The following MAP4K3 variants were observed in gnomAD, a reference collection of about 807,000 sequenced individuals.
The protein encoded by MAP4K3 is mitogen-activated protein kinase kinase kinase kinase 3, also known as MAPK/ERK kinase kinase kinase 3.
Under a neutral mutation model 143.5 loss-of-function variants are expected in MAP4K3, and 94 were observed. The observed-to-expected ratio is 0.65, with a 90% CI of 0.55 to 0.78. The LOEUF (loss-of-function observed/expected upper bound fraction) is 0.78, where lower values mean the gene tolerates loss of function less well. Among genes scored for constraint, MAP4K3 ranks in the 30% least tolerant of loss-of-function variants. MAP4K3 has a pLI of 0.00. For missense variants in MAP4K3, 1,077 were observed against 1,068.1 expected (o/e 1.01, Z -0.12); for synonymous variants, 416 against 347.2 (o/e 1.20, Z -2.20).
intron 15 of MAP4K3, among the ~76,000 whole-genome samples, chr2:39,301,971 C>T (rs1260911098): frequency 6.6e-6 from 1 of 151,794 alleles, no homozygotes; most frequent in Non-Finnish European, 1.5e-5. Flanking sequence ...TTGCAGTGAG[C>T]CAACATTGCG....
intron 15 of MAP4K3, among the ~76,000 whole-genome samples, chr2:39,300,176 C>T (rs942906472): frequency 9.9e-5 from 15 of 152,084 alleles, no homozygotes; most frequent in African/African-American, 3.4e-4. Context: ...TCTTGGTTTA[C>T]TTTGTATATA....
chr2:39,394,676 C>T (rs1391985650), intron 1 of MAP4K3, among the ~76,000 whole-genome samples: 1 of 151,936 alleles, frequency 6.6e-6, no homozygotes, highest in Admixed American at 6.6e-5. Context: ...AAGAGCTTGG[C>T]CAGACGGACA....
chr2:39,376,494 G>C (rs1666222091), intron 2 of MAP4K3, among the ~76,000 whole-genome samples: 1 of 152,178 alleles, frequency 6.6e-6, no homozygotes, highest in South Asian at 2.1e-4. Flanking sequence ...GAAAATAATT[G>C]ACTTGAACAG....
intron 1 of MAP4K3, among the ~76,000 whole-genome samples, chr2:39,397,467 T>G (rs1171951291): frequency 6.6e-6 from 1 of 152,052 alleles, no homozygotes; most frequent in Non-Finnish European, 1.5e-5. Context: ...TTTAAAGAAA[T>G]GAAAGTAGAA....
chr2:39,377,215 TAAACAGAAAAAG>T (rs1558675590), intron 2 of MAP4K3, among the ~76,000 whole-genome samples: 10 of 150,184 alleles, frequency 6.7e-5, no homozygotes, highest in Admixed American at 1.3e-4. Context: ...TTTTTTTTTT[TAAACAGAAAAAG>T]TTTTTCCACT....
intron 12 of MAP4K3, among the ~76,000 whole-genome samples, chr2:39,315,802 T>C (rs1418384941): frequency 6.6e-6 from 1 of 152,142 alleles, no homozygotes; most frequent in Non-Finnish European, 1.5e-5. Context: ...AGTGTAAACA[T>C]TACCACTTGC....
At chr2:39,326,058 A>G (rs1683480346) in intron 9 of MAP4K3, 88 bp downstream of exon 9, 2 of 1,539,122 alleles carry the variant, frequency 1.3e-6, no homozygotes, top group African/African-American at 1.4e-5. Flanking sequence ...ATAAGGTAAA[A>G]CAAGACTAAG....
At chr2:39,426,056 G>T (rs550389847) in intron 1 of MAP4K3, among the ~76,000 whole-genome samples, 101 of 152,128 alleles carry the variant, frequency 6.6e-4, no homozygotes, top group Non-Finnish European at 1.3e-3. Context: ...GAGATAATCT[G>T]ATAGTGAAGA....
chr2:39,256,320 A>G (rs554521500), intron 31 of MAP4K3, among the ~76,000 whole-genome samples: 7 of 152,230 alleles, frequency 4.6e-5, no homozygotes, highest in Admixed American at 2.0e-4. Context: ...ATGAAATGTG[A>G]TAATAGCAAA....
intron 2 of MAP4K3, among the ~76,000 whole-genome samples, chr2:39,366,128 C>G (rs891005745): frequency 2.0e-5 from 3 of 152,154 alleles, no homozygotes; most frequent in African/African-American, 7.2e-5. Context: ...AAAGAGTCCT[C>G]AGGAGACCTG....
chr2:39,435,333 G>C (rs1015259926), intron 1 of MAP4K3, among the ~76,000 whole-genome samples: 4 of 152,082 alleles, frequency 2.6e-5, no homozygotes, highest in Non-Finnish European at 4.4e-5. Flanking sequence ...AAACAAGTCC[G>C]ATCTCCTAAT....
chr2:39,422,710 G>A (rs1007063625), intron 1 of MAP4K3, among the ~76,000 whole-genome samples: 3 of 152,122 alleles, frequency 2.0e-5, no homozygotes, highest in African/African-American at 7.2e-5. Flanking sequence ...GTACATTGAC[G>A]TGCAAAACAA....
intron 2 of MAP4K3, among the ~76,000 whole-genome samples, chr2:39,360,511 T>G (rs1216447399): frequency 6.6e-6 from 1 of 152,184 alleles, no homozygotes; most frequent in African/African-American, 2.4e-5. Context: ...CAAAGTTGCT[T>G]CCAGATTTTC....
At chr2:39,349,061 A>G (rs1168951798) in intron 3 of MAP4K3, among the ~76,000 whole-genome samples, 1 of 152,202 alleles carries the variant, frequency 6.6e-6, no homozygotes, top group African/African-American at 2.4e-5. Flanking sequence ...CTGGGAGAGG[A>G]TGGCTAGCTA....
At chr2:39,286,709 C>T (rs1681792196) in intron 21 of MAP4K3, 143 bp downstream of exon 21, 1 of 409,728 alleles carries the variant, frequency 2.4e-6, no homozygotes, top group Admixed American at 4.3e-5. Context: ...ATCTATTCAC[C>T]ATTATAATTA....
intron 29 of MAP4K3, among the ~76,000 whole-genome samples, chr2:39,258,937 C>T (rs1039924958): frequency 4.6e-5 from 7 of 152,080 alleles, no homozygotes; most frequent in African/African-American, 1.7e-4. Flanking sequence ...TTTGTAAATA[C>T]ATGTAGTTCT....
At chr2:39,435,663 C>T (rs927848162) in intron 1 of MAP4K3, among the ~76,000 whole-genome samples, 1 of 152,056 alleles carries the variant, frequency 6.6e-6, no homozygotes, top group African/African-American at 2.4e-5. Context: ...TGTCCTTGTC[C>T]AAAAAAATAG....
chr2:39,428,475 C>G (rs1665167986), intron 1 of MAP4K3, among the ~76,000 whole-genome samples: 1 of 151,722 alleles, frequency 6.6e-6, no homozygotes, highest in African/African-American at 2.4e-5. Context: ...GAGTTCGAGA[C>G]CAGCCTGGCC....
Position 39,325,510 on chromosome 2 carries a change from A to C in MAP4K3, c.918+8T>G. 1.9e-6 allele frequency: 3 copies of C among 1,598,416 alleles called. No individual in the cohort carries two copies. Among genetic ancestry groups the C allele is most frequent in the Non-Finnish European group, 2.6e-6 (3 of 1,167,402 alleles). ...TTATATATGCCCGCTGGTAAAAGCA[A>C]TTCCTACCTCAGGATCATCATCATC... On this transcript the variant is annotated splice_region_variant and intron_variant, in intron 12 of 33. Transcript: ENST00000263881.
Sources: allele counts gnomAD v4.1 joint callset (sites outside exome capture counted in the v4.1 genomes callset), GRCh38; gene constraint gnomAD v4.1.1; transcripts MANE v1.5; gene names NCBI Gene and HGNC (gene_info 2026-07-23, HGNC 2026-07-21).